PARD3: variants seen among roughly 807,000 people sequenced by gnomAD.
PARD3 encodes the protein partitioning defective 3 homolog.
In PARD3, 75 loss-of-function variants were observed where a neutral mutation model predicts 155.4. The observed-to-expected ratio is 0.48, with a 90% CI of 0.40 to 0.58. The LOEUF is 0.58. Among genes scored for constraint, PARD3 ranks in the 20% least tolerant of loss-of-function variants. The pLI, the probability that PARD3 is intolerant of heterozygous loss-of-function variation, is 0.00. For synonymous variants in PARD3, 576 were observed against 610.5 expected (o/e 0.94, Z 0.83); for missense variants, 1,642 against 1,721.7 (o/e 0.95, Z 0.82).
intron 2 of PARD3, among the ~76,000 whole-genome samples, chr10:34,602,829 C>T (rs1158277341): frequency 6.6e-6 from 1 of 152,146 alleles, no homozygotes; most frequent in African/African-American, 2.4e-5. Context: ...ACTTCTCAAG[C>T]CTTCACTATA....
chr10:34,155,460 T>C (rs1588956364), intron 22 of PARD3, among the ~76,000 whole-genome samples: 2 of 152,184 alleles, frequency 1.3e-5, no homozygotes, highest in East Asian at 1.9e-4. Context: ...AGTTAGCATA[T>C]TGGAAAATGT....
chr10:34,355,945 A>AAAAAAAC (rs1564622624), intron 14 of PARD3, among the ~76,000 whole-genome samples: 2 of 124,214 alleles, frequency 1.6e-5, no homozygotes, highest in South Asian at 4.4e-4. Flanking sequence ...AAAAAAAAAA[A>AAAAAAAC]ACAAAACAAA....
chr10:34,725,446 C>A lies in PARD3; in HGVS notation c.121-29027G>T, dbSNP rs529019366. Among the ~76,000 whole-genome samples, 4 of 152,172 alleles carry A rather than the reference C, an allele frequency of 2.6e-5. No homozygotes were observed. In the East Asian group the frequency reaches 5.8e-4, roughly 22 times the overall value. On this transcript the variant is annotated intron_variant, in intron 1 of 24. Transcript: ENST00000374788. ...CTAAGATTCCAGGTGTGAGCCACCA[C>A]GCCCAGCCCAGTCAAAACTTTTCAA... is the stretch of plus-strand genomic sequence containing the variant.
chr10:34,455,169 C>G lies in PARD3; in HGVS notation c.583-4721G>C, dbSNP rs540687114. ...ACATTTCTGTGTTGGCACAGGAAAC[C>G]CAACTATGTTTCCACCTCGTTTCAG... On this transcript the variant is annotated intron_variant, in intron 4 of 24. Coordinates refer to ENST00000374788, the MANE Select transcript of PARD3 (RefSeq NM_001184785.2). Among the ~76,000 whole-genome samples, 12 of 152,230 alleles carry G rather than the reference C, an allele frequency of 7.9e-5. No individual in the cohort carries two copies. The South Asian group carries it at 2.5e-3, about 32-fold the overall frequency.
chr10:34,537,675 T>C (rs897576562), intron 2 of PARD3, among the ~76,000 whole-genome samples: 1 of 152,180 alleles, frequency 6.6e-6, no homozygotes, highest in East Asian at 1.9e-4. Flanking sequence ...CAGACCATGG[T>C]AATAAGGAGA....
At chr10:34,191,326 G>A in intron 22 of PARD3, among the ~76,000 whole-genome samples, 1 of 152,048 alleles carries the variant, frequency 6.6e-6, no homozygotes, top group South Asian at 2.1e-4. Context: ...TGGTGAATGT[G>A]GGGTATCCAG....
intron 3 of PARD3, among the ~76,000 whole-genome samples, chr10:34,513,437 C>G (rs192569411): frequency 1.3e-5 from 2 of 152,138 alleles, no homozygotes; most frequent in South Asian, 2.1e-4. Context: ...TGTGCCACCA[C>G]GCCCAGGTAA....
intron 3 of PARD3, among the ~76,000 whole-genome samples, chr10:34,505,760 G>T (rs2081021196): frequency 6.6e-6 from 1 of 152,180 alleles, no homozygotes; most frequent in Non-Finnish European, 1.5e-5. Flanking sequence ...TATGTGTAAT[G>T]ATTTTTAATT....
chr10:34,625,720 C>A (rs893869330), intron 2 of PARD3, among the ~76,000 whole-genome samples: 1 of 151,972 alleles, frequency 6.6e-6, no homozygotes, highest in Non-Finnish European at 1.5e-5. Flanking sequence ...TGAGACCAGC[C>A]TGACTAACAT....
chr10:34,717,920 G>A lies in PARD3; in HGVS notation c.121-21501C>T, dbSNP rs551251513. On this transcript the variant is annotated intron_variant, in intron 1 of 24. Transcript: ENST00000374788. ...TGTAATCCCAGCACTCTGGGAGGCC[G>A]AGATGGGTGGACTGTCTGAGCTCAG... Among the ~76,000 whole-genome samples, 9 of 152,236 alleles carry A rather than the reference G, an allele frequency of 5.9e-5. No homozygotes were observed. The East Asian group carries it at 1.4e-3, about 23-fold the overall frequency.
At chr10:34,708,430 T>C (rs2094400663) in intron 1 of PARD3, among the ~76,000 whole-genome samples, 1 of 152,246 alleles carries the variant, frequency 6.6e-6, no homozygotes, top group Admixed American at 6.5e-5. Flanking sequence ...GTAAGTTTTC[T>C]GAATGTGATC....
intron 2 of PARD3, among the ~76,000 whole-genome samples, chr10:34,634,817 T>C (rs568954978): frequency 1.2e-4 from 18 of 152,206 alleles, no homozygotes; most frequent in Admixed American, 6.5e-4. Flanking sequence ...TGTTGGGTGA[T>C]TTCTAGTTAA....
Position 34,611,127 on chromosome 10 carries a change from C to A in PARD3, c.222+85191G>T, listed in dbSNP as rs1330177155. On this transcript the variant is annotated intron_variant, in intron 2 of 24. Transcript: ENST00000374788. ...CTCAGTCCCAAAAATAGATGAAAATCATGCACCTTGAGTGAGGCAGAATAA... is the reference window on the plus strand; with the variant it reads ...CTCAGTCCCAAAAATAGATGAAAATAATGCACCTTGAGTGAGGCAGAATAA... 2.6e-5 allele frequency among the ~76,000 whole-genome samples: 4 copies of A among 152,166 alleles called. No homozygotes were observed. In the East Asian group the frequency reaches 7.7e-4, roughly 29 times the overall value.
intron 5 of PARD3, among the ~76,000 whole-genome samples, chr10:34,413,687 G>A (rs76704655): frequency 0.019 from 2,846 of 152,152 alleles, 43 homozygotes; most frequent in Non-Finnish European, 0.03. Context: ...CACTCCTTAC[G>A]TGGCCAAATC....
At chr10:34,292,270 T>C (rs1459140180) in intron 20 of PARD3, among the ~76,000 whole-genome samples, 7 of 152,154 alleles carry the variant, frequency 4.6e-5, no homozygotes, top group South Asian at 4.1e-4. Flanking sequence ...ATTTTACAAA[T>C]GGGAAAAAGG....
At chr10:34,648,899 G>A (rs2092924697) in intron 2 of PARD3, among the ~76,000 whole-genome samples, 1 of 152,056 alleles carries the variant, frequency 6.6e-6, no homozygotes, top group South Asian at 2.1e-4. Flanking sequence ...GGAATGGCCA[G>A]GATAAACTCA....
chr10:34,364,226 T>C (rs1424538866), intron 12 of PARD3, among the ~76,000 whole-genome samples: 2 of 151,954 alleles, frequency 1.3e-5, no homozygotes, highest in Non-Finnish European at 2.9e-5. Context: ...AAACGAAAAT[T>C]TGGATGAGAA....
chr10:34,606,123 T>C (rs1450886958), intron 2 of PARD3, among the ~76,000 whole-genome samples: 4 of 149,052 alleles, frequency 2.7e-5, no homozygotes, highest in Non-Finnish European at 5.9e-5. Context: ...CAGAACTACA[T>C]ATATCTATAT....
At chr10:34,737,911 G>A (rs1001273669) in intron 1 of PARD3, among the ~76,000 whole-genome samples, 5 of 152,152 alleles carry the variant, frequency 3.3e-5, no homozygotes. Flanking sequence ...GGGCCCGCAG[G>A]TGGTTCTCAG....
Sources: allele counts gnomAD v4.1 joint callset (sites outside exome capture counted in the v4.1 genomes callset), GRCh38; gene constraint gnomAD v4.1.1; transcripts MANE v1.5; gene names NCBI Gene and HGNC (gene_info 2026-07-23, HGNC 2026-07-21).